The following SMARCA1 variants were observed in gnomAD, a reference collection of about 807,000 sequenced individuals.
SMARCA1 encodes the protein SNF2 related chromatin remodeling ATPase 1, also known as SWI/SNF-related matrix-associated actin-dependent regulator of chromatin subfamily A member 1.
In SMARCA1, 17 loss-of-function variants were observed where a neutral mutation model predicts 93.6. The observed-to-expected ratio is 0.18, with a 90% CI of 0.12 to 0.27. The LOEUF (loss-of-function observed/expected upper bound fraction) is 0.27. SMARCA1 is among the 10% of genes least tolerant of loss of function. SMARCA1 has a pLI of 1.00. For missense variants in SMARCA1, 630 were observed against 819.0 expected (o/e 0.77, Z 2.82); for synonymous variants, 271 against 271.4 (o/e 1.00, Z 0.01).
intron 23 of SMARCA1, among the ~76,000 whole-genome samples, chrX:129,459,226 C>A: frequency 9.0e-6 from 1 of 111,242 alleles, no homozygotes; most frequent in East Asian, 2.8e-4. Flanking sequence ...CGAGATCATC[C>A]GGGCCAACAT....
At chrX:129,503,811 A>C (rs1934661692) in intron 9 of SMARCA1, among the ~76,000 whole-genome samples, 1 of 108,216 alleles carries the variant, frequency 9.2e-6, no homozygotes, top group Non-Finnish European at 1.9e-5. Context: ...AAAATACAAA[A>C]ATTAGCCGGG....
At chrX:129,521,018 C>A (rs957504192) in intron 1 of SMARCA1, among the ~76,000 whole-genome samples, 3 of 109,409 alleles carry the variant, frequency 2.7e-5, no homozygotes, top group South Asian at 3.9e-4. Flanking sequence ...GCTGGGATTA[C>A]AGGTGCCTGC....
rs148340631 is a variant in SMARCA1 at position 129,488,139 on chromosome X, G to A, written c.2097+798C>T. ...TGTTTAAAATTATCCATAATTTGTG[G>A]AGAGGGGAAGGTGAACTAAACACAA... On this transcript the variant is annotated intron_variant, in intron 16 of 24. Transcript: ENST00000371121. Among the ~76,000 whole-genome samples, 884 of 110,523 alleles carry A rather than the reference G, an allele frequency of 8.0e-3. 2 individuals carry two copies. Among genetic ancestry groups the A allele is most frequent in the Non-Finnish European group, 0.012 (639 of 52,888 alleles).
At chrX:129,493,101 C>T in intron 12 of SMARCA1, 26 bp from the exon 13 acceptor site, 1 of 436,189 alleles carries the variant, frequency 2.3e-6, no homozygotes, top group East Asian at 3.9e-5. Context: ...GAGATGTGCA[C>T]AAAGATTTAT....
At chrX:129,483,312 G>A (rs773735752) in intron 17 of SMARCA1, among the ~76,000 whole-genome samples, 4 of 111,716 alleles carry the variant, frequency 3.6e-5, no homozygotes, top group Non-Finnish European at 7.5e-5. Flanking sequence ...CAACACTACA[G>A]TGTTCAGAGG....
At chrX:129,473,367 G>A (rs1212853048) in intron 19 of SMARCA1, among the ~76,000 whole-genome samples, 1 of 111,691 alleles carries the variant, frequency 9.0e-6, no homozygotes, top group Non-Finnish European at 1.9e-5. Flanking sequence ...ATGAAATGTA[G>A]CCCAGTCATA....
intron 24 of SMARCA1, 119 bp downstream of exon 24, chrX:129,448,214 T>C: frequency 1.4e-6 from 1 of 699,078 alleles, no homozygotes; most frequent in Non-Finnish European, 2.1e-6. Flanking sequence ...CAAATTAGCA[T>C]TTCATAAAAC....
chrX:129,451,700 ATTT>A (rs772285996), intron 23 of SMARCA1, among the ~76,000 whole-genome samples: 18 of 81,421 alleles, frequency 2.2e-4, no homozygotes, highest in African/African-American at 7.7e-4. Flanking sequence ...TACCAGCTCC[ATTT>A]TTTTTTTTTT....
chrX:129,511,852 C>A lies in SMARCA1; in HGVS notation c.762G>T (p.Trp254Cys), dbSNP rs1330458030. ...AACAAATGACACGGAGAGATGGGAC[C>A]CATCGTTTAAATTCATTCATCCAGT... The part of the protein sequence containing the change: ...LHNWMNEFKR[W>C]VPSLRVICFV... The change falls in exon 6 of 25, where the codon TGG (tryptophan) becomes TGT (cysteine). Residue 254 changes from tryptophan (W) to cysteine (C), a missense_variant. This residue lies in a region of SMARCA1 where 382 missense variants were observed against 537.9 expected (regional missense o/e 0.71). Transcript: ENST00000371121. 12 of 1,205,953 alleles carry A rather than the reference C, an allele frequency of 1.0e-5. No homozygotes were observed. Among genetic ancestry groups the A allele is most frequent in the Non-Finnish European group, 1.3e-5 (12 of 891,710 alleles).
At chrX:129,491,867 TG>T (rs1319989011) in intron 14 of SMARCA1, 73 bp downstream of exon 14, 5 of 674,251 alleles carry the variant, frequency 7.4e-6, no homozygotes. Context: ...TTATCATAAA[TG>T]ACCTTTATGT....
At chrX:129,504,546 G>GAAA (rs1934703363) in intron 9 of SMARCA1, among the ~76,000 whole-genome samples, 188 bp downstream of exon 9, 1 of 11,575 alleles carries the variant, frequency 8.6e-5, no homozygotes, top group Non-Finnish European at 1.3e-4. Flanking sequence ...GGACATAGAG[G>GAAA]AATAAAAAAA....
At chrX:129,449,003 T>C (rs923202777) in intron 23 of SMARCA1, among the ~76,000 whole-genome samples, 1 of 110,145 alleles carries the variant, frequency 9.1e-6, no homozygotes, top group African/African-American at 3.3e-5. Flanking sequence ...AGCGCATGTA[T>C]AACTGATGAA....
At position 129,447,246 on chromosome X, in the gene SMARCA1, C is replaced by T. The variant is rs775440079; in HGVS notation, c.3142-13G>A. 5 of 1,132,987 alleles carry T rather than the reference C, an allele frequency of 4.4e-6. No homozygotes were observed. The South Asian group carries it at 7.9e-5, about 18-fold the overall frequency. 93.4% of individuals were successfully genotyped at this position (1,132,987 alleles called of 1,213,427 possible). On this transcript the variant is annotated splice_polypyrimidine_tract_variant and intron_variant, in intron 24 of 24. Transcript: ENST00000371121. ...TTCTTTTCTGTGACTAAAATGGAAA[C>T]AGATTTAATGTTCTGCTCCAATATG...
Position 129,523,220 on chromosome X carries a change from C to T in SMARCA1, c.151G>A (p.Glu51Lys). Reference sequence around the variant, plus strand: ...ACCTCCTTCTTCTTCTCGCCCTTCTCCGTGGCCGCGGTGGCTTCGGTGGCC... The same window carrying T: ...ACCTCCTTCTTCTTCTCGCCCTTCTTCGTGGCCGCGGTGGCTTCGGTGGCC... ...AAATEATAAT[E>K]KGEKKKEKNV... Residue 51 changes from glutamate to lysine, a missense_variant, in exon 1 of 25, where the codon GAG (glutamate) becomes AAG (lysine). By Grantham distance (56) the Glu-to-Lys change is moderately conservative. This residue lies in a region of SMARCA1 where 103 missense variants were observed against 82.0 expected (regional missense o/e 1.26). Transcript: ENST00000371121. 5 of 1,211,554 alleles carry T rather than the reference C, an allele frequency of 4.1e-6. No homozygotes were observed. Among genetic ancestry groups the T allele is most frequent in the Non-Finnish European group, 5.6e-6 (5 of 895,301 alleles).
chrX:129,464,632 T>C lies in SMARCA1; in HGVS notation c.3030+888A>G, dbSNP rs187886793. On this transcript the variant is annotated intron_variant, in intron 23 of 24. Transcript: ENST00000371121. Reference sequence around the variant, plus strand: ...CTGTTTCCTAATAAAAAACTCAACTTAGGCAACAACTCCTTTTCATTAAAA... The same window carrying C: ...CTGTTTCCTAATAAAAAACTCAACTCAGGCAACAACTCCTTTTCATTAAAA... Among the ~76,000 whole-genome samples the C allele has an allele frequency of 4.4e-3, 490 of 112,358 alleles. 2 individuals carry two copies. Among genetic ancestry groups the C allele is most frequent in the Middle Eastern group, 0.018 (4 of 217 alleles).
At chrX:129,494,358 A>G (rs1041574177) in intron 12 of SMARCA1, among the ~76,000 whole-genome samples, 1 of 111,881 alleles carries the variant, frequency 8.9e-6, no homozygotes. Flanking sequence ...TCAAGTTGCC[A>G]TCTCAGAGAG....
intron 5 of SMARCA1, among the ~76,000 whole-genome samples, chrX:129,515,479 G>T: frequency 9.0e-6 from 1 of 111,139 alleles, no homozygotes; most frequent in Non-Finnish European, 1.9e-5. Flanking sequence ...AGTGAGCCGA[G>T]ATTGCACCAC....
intron 11 of SMARCA1, 30 bp downstream of exon 11, chrX:129,497,815 T>C (rs1265740608): frequency 1.1e-6 from 1 of 929,409 alleles, no homozygotes. Context: ...ATAAATTTAT[T>C]CCATGCTAAT....
intron 23 of SMARCA1, among the ~76,000 whole-genome samples, chrX:129,459,495 C>T (rs1932765290): frequency 8.9e-6 from 1 of 112,604 alleles, no homozygotes; most frequent in African/African-American, 3.2e-5. Context: ...AAATGAACTC[C>T]TGTTAGTGCA....
Sources: allele counts gnomAD v4.1 joint callset (sites outside exome capture counted in the v4.1 genomes callset), GRCh38; gene constraint gnomAD v4.1.1; regional missense constraint gnomAD v4.1.1; transcripts MANE v1.5; gene names NCBI Gene and HGNC (gene_info 2026-07-23, HGNC 2026-07-21).